Variants in MORC1 observed in about 807,000 individuals in gnomAD.
The protein encoded by MORC1 is MORC family CW-type zinc finger 1, also known as MORC family CW-type zinc finger protein 1.
A neutral mutation model predicts 134.9 loss-of-function variants in MORC1; 59 were observed. The ratio of observed to expected loss-of-function variants is 0.44; its 90% CI spans 0.35 to 0.54. The LOEUF is 0.54. Among genes scored for constraint, MORC1 ranks in the 20% least tolerant of loss-of-function variants. The probability of loss-of-function intolerance (pLI) is 0.00; values close to 1 mark genes in which losing one functional copy is unlikely to be tolerated. For synonymous variants in MORC1, 395 were observed against 391.7 expected (o/e 1.01, Z -0.10); for missense variants, 947 against 1,134.5 (o/e 0.83, Z 2.37).
chr3:108,981,466 T>C (rs1397946553), intron 23 of MORC1, among the ~76,000 whole-genome samples: 1 of 152,190 alleles, frequency 6.6e-6, no homozygotes, highest in African/African-American at 2.4e-5. Context: ...TGCTCATTAG[T>C]TATAACCTTC....
In MORC1 at chr3:109,034,883, C is replaced by T. The variant is rs117537913; in HGVS notation, c.1459+457G>A. Among the ~76,000 whole-genome samples, 96 of 152,094 alleles carry T rather than the reference C, an allele frequency of 6.3e-4. 1 individual carries two copies. The East Asian group carries it at 0.016, about 25-fold the overall frequency. ...CCCACTTCAGCCTCTCAAGTAGCTG[C>T]GACCACAGGTGTGCACTATCATGCC... is the stretch of plus-strand genomic sequence containing the variant. On this transcript the variant is annotated intron_variant, in intron 15 of 27. Coordinates refer to ENST00000232603, the MANE Select transcript of MORC1 (RefSeq NM_014429.4).
chr3:109,034,791 C>A (rs574503479), intron 15 of MORC1, among the ~76,000 whole-genome samples: 4 of 152,134 alleles, frequency 2.6e-5, no homozygotes, highest in Admixed American at 2.0e-4. Flanking sequence ...CTGTGTTGCC[C>A]AGGGTGGAGT....
intron 14 of MORC1, among the ~76,000 whole-genome samples, chr3:109,043,265 G>T (rs1343126941): frequency 1.3e-5 from 2 of 151,214 alleles, no homozygotes; most frequent in African/African-American, 4.9e-5. Flanking sequence ...CTATAACATG[G>T]ATGAACTTTG....
At chr3:108,964,588 C>G (rs1042811680) in intron 26 of MORC1, among the ~76,000 whole-genome samples, 2 of 152,162 alleles carry the variant, frequency 1.3e-5, no homozygotes, top group South Asian at 2.1e-4. Flanking sequence ...ATCCTTTAAA[C>G]AAGCAAACAA....
intron 3 of MORC1, 38 bp from the exon 4 acceptor site, chr3:109,103,955 C>T (rs1414913395): frequency 1.2e-5 from 18 of 1,563,742 alleles, no homozygotes; most frequent in Non-Finnish European, 1.5e-5. Flanking sequence ...AAATATCGGG[C>T]TTAATTTGTT....
chr3:108,979,799 G>T, intron 23 of MORC1, 132 bp from the exon 24 acceptor site: 1 of 881,912 alleles, frequency 1.1e-6, no homozygotes, highest in Non-Finnish European at 1.7e-6. Context: ...GCCGAAAACT[G>T]CCACCACTGT....
chr3:109,103,944 T>C lies in MORC1; in HGVS notation c.155-27A>G, dbSNP rs759429135. On this transcript the variant is annotated intron_variant, in intron 3 of 27. Coordinates refer to ENST00000232603, the MANE Select transcript of MORC1 (RefSeq NM_014429.4). ...TGTAAGAGAAAGCAGTTATTACTAA[T>C]AAATATCGGGCTTAATTTGTTAGTC... 13 of 1,586,616 alleles carry C rather than the reference T, an allele frequency of 8.2e-6. No individual in the cohort carries two copies. In the Admixed American group the frequency reaches 1.5e-4, roughly 18 times the overall value.
intron 9 of MORC1, among the ~76,000 whole-genome samples, chr3:109,064,417 T>C (rs1950152156): frequency 2.0e-5 from 3 of 152,162 alleles, no homozygotes. Flanking sequence ...TTCAAGGCTT[T>C]GTGCTGCAGA....
At position 109,035,301 on chromosome 3, in the gene MORC1, C is replaced by G. The variant is rs534388732; in HGVS notation, c.1459+39G>C. 27 of 1,542,424 alleles carry G rather than the reference C, an allele frequency of 1.8e-5. 1 individual carries two copies. In the South Asian group the frequency reaches 2.1e-4, roughly 12 times the overall value. On this transcript the variant is annotated intron_variant, in intron 15 of 27. Transcript: ENST00000232603. ...CACAATGACTTGCATATTTAAGAGC[C>G]CTTAACATTTGGTAATTATAATGGA...
chr3:109,090,686 C>G lies in MORC1; in HGVS notation c.689+2750G>C, dbSNP rs559402981. 5.3e-5 allele frequency among the ~76,000 whole-genome samples: 8 copies of G among 150,624 alleles called. 1 individual carries two copies. The South Asian group carries it at 1.1e-3, about 20-fold the overall frequency. ...CAAGGACTATGTGAAATAAATAATG[C>G]CAAAACACCTCTTCCCTGAGGCCAA... On this transcript the variant is annotated intron_variant, in intron 8 of 27. Coordinates refer to ENST00000232603, the MANE Select transcript of MORC1 (RefSeq NM_014429.4).
intron 26 of MORC1, among the ~76,000 whole-genome samples, chr3:108,964,174 C>A (rs1221855836): frequency 6.6e-6 from 1 of 152,172 alleles, no homozygotes; most frequent in Non-Finnish European, 1.5e-5. Context: ...ATGTATATGA[C>A]CCTCATTAAT....
intron 17 of MORC1, among the ~76,000 whole-genome samples, chr3:109,023,727 A>G (rs1949011975): frequency 6.6e-6 from 1 of 152,182 alleles, no homozygotes; most frequent in East Asian, 1.9e-4. Flanking sequence ...ATACAGAGAA[A>G]TTTATTTTAT....
intron 21 of MORC1, among the ~76,000 whole-genome samples, chr3:109,000,079 C>T (rs953715065): frequency 7.2e-5 from 11 of 152,016 alleles, no homozygotes; most frequent in South Asian, 2.1e-4. Context: ...GTTAGAAATA[C>T]GAACATATTA....
chr3:109,059,677 TC>T (rs1950036244), intron 12 of MORC1, 128 bp downstream of exon 12: 3 of 655,206 alleles, frequency 4.6e-6, no homozygotes, highest in Admixed American at 3.4e-5. Flanking sequence ...ATATTAGGTT[TC>T]AGATTATAAG....
chr3:109,094,064 C>T (rs1208365114), intron 7 of MORC1, among the ~76,000 whole-genome samples: 2 of 152,156 alleles, frequency 1.3e-5, no homozygotes, highest in Non-Finnish European at 2.9e-5. Context: ...CAACTATTCA[C>T]AATGTAGCTC....
chr3:109,075,137 T>C (rs1950393916), intron 8 of MORC1, among the ~76,000 whole-genome samples: 1 of 152,186 alleles, frequency 6.6e-6, no homozygotes, highest in Non-Finnish European at 1.5e-5. Context: ...AGACAATCAA[T>C]ATCTCCCAGC....
Position 108,958,999 on chromosome 3 carries a change from G to T in MORC1, c.2921C>A (p.Pro974His). ...CGAAGTCTTTTCATTTTTTTCTAAA[G>T]GGAGTCTATGTCTTGCATCTATAGT... ...KVTIDARHRL[P>H]LEKNEKTSEN Residue 974 changes from proline (P) to histidine (H), a missense_variant, in exon 28 of 28, where the codon CCT (proline) becomes CAT (histidine). Around this residue, in one of 3 missense-constraint regions of MORC1, gnomAD observed 722 missense variants for 817.0 expected, o/e 0.88. Coordinates refer to ENST00000232603, the MANE Select transcript of MORC1 (RefSeq NM_014429.4). 6.6e-7 allele frequency: 1 copy of T among 1,514,450 alleles called. No individual in the cohort carries two copies. The highest frequency in any genetic ancestry group is 8.8e-7 in the Non-Finnish European group (1 of 1,133,942). The allele number at this position is 1,514,450 out of a possible 1,614,324, so 93.8% of individuals were successfully genotyped here. A position where few individuals can be genotyped will look rare whatever the true frequency, so the allele number is the denominator to read the frequency against.
intron 21 of MORC1, among the ~76,000 whole-genome samples, chr3:108,993,115 G>C (rs777645235): frequency 1.3e-5 from 2 of 152,130 alleles, no homozygotes; most frequent in Non-Finnish European, 2.9e-5. Flanking sequence ...CAGCCTGTCA[G>C]AGTGTACAGC....
intron 17 of MORC1, among the ~76,000 whole-genome samples, chr3:109,026,151 G>C (rs1949069054): frequency 6.6e-6 from 1 of 152,110 alleles, no homozygotes; most frequent in Non-Finnish European, 1.5e-5. Context: ...TACAAGCCCT[G>C]AGTACCAGAA....
Sources: allele counts gnomAD v4.1 joint callset (sites outside exome capture counted in the v4.1 genomes callset), GRCh38; gene constraint gnomAD v4.1.1; regional missense constraint gnomAD v4.1.1; transcripts MANE v1.5; gene names NCBI Gene and HGNC (gene_info 2026-07-23, HGNC 2026-07-21).